C16orf92: variants seen among roughly 807,000 people sequenced by gnomAD.
The protein encoded by C16orf92 is fertilization-influencing membrane protein.
In C16orf92, 14 loss-of-function variants were observed where a neutral mutation model predicts 13.7. That is an observed-to-expected ratio of 1.02 (90% CI 0.67 to 1.60). C16orf92 has a LOEUF of 1.60. C16orf92 is among the 40% of genes most tolerant of loss of function. C16orf92 has a pLI of 0.00. For missense variants in C16orf92, 116 were observed against 139.0 expected (o/e 0.83, Z 0.83); for synonymous variants, 50 against 57.4 (o/e 0.87, Z 0.58).
chr16:30,025,877 G>GCCC, downstream of C16orf92: 1 of 1,379,150 alleles, frequency 7.3e-7, no homozygotes, highest in South Asian at 1.2e-5. The surrounding 1 kb of genome is among the most constrained non-coding windows in gnomAD (Gnocchi z 4.1). Context: ...TTCTTGGGCA[G>GCCC]CCCCCGCCCT....
chr16:30,025,397 C>T (rs762492091), downstream of C16orf92: 14 of 1,611,284 alleles, frequency 8.7e-6, 1 homozygote, highest in South Asian at 3.3e-5. The surrounding 1 kb of genome is among the most constrained non-coding windows in gnomAD (Gnocchi z 4.1). Context: ...GAGCAGCACC[C>T]GGCAGCAGAG....
chr16:30,023,223 G>T lies in C16orf92; in HGVS notation c.-118G>T. The T allele has an allele frequency of 1.2e-6, 1 of 840,742 alleles. No homozygotes were observed. Among genetic ancestry groups the T allele is most frequent in the South Asian group, 1.5e-5 (1 of 66,312 alleles). 52.1% of individuals were successfully genotyped at this position (840,742 alleles called of 1,614,324 possible). ...CTCTCTTCTCCTCTCCTCTTCTGATGAGAGTGAGGGATGGGGGAGGGGTCC... is the reference window on the plus strand; with the variant it reads ...CTCTCTTCTCCTCTCCTCTTCTGATTAGAGTGAGGGATGGGGGAGGGGTCC... On this transcript the variant is annotated 5_prime_UTR_variant, in exon 1 of 4. The change abolishes an upstream ATG in the 5' untranslated region. Coordinates refer to ENST00000681219, the MANE Select transcript of C16orf92 (RefSeq NM_001109659.2).
chr16:30,027,517 C>T (rs150638996), downstream of C16orf92: 83 of 452,216 alleles, frequency 1.8e-4, no homozygotes, highest in East Asian at 5.6e-3. Context: ...GAGACAGACC[C>T]TGTTGGCAAG....
chr16:30,026,505 G>T, downstream of C16orf92: 2 of 952,594 alleles, frequency 2.1e-6, no homozygotes, highest in Non-Finnish European at 1.6e-6. Context: ...GGGTCTGCTT[G>T]GTTGTCAGTA....
Position 30,023,737 on chromosome 16 carries a change from C to T in C16orf92, c.75C>T (p.Pro25=). 1 of 1,614,088 alleles carries T rather than the reference C, an allele frequency of 6.2e-7. No homozygotes were observed. Among genetic ancestry groups the T allele is most frequent in the Non-Finnish European group, 8.5e-7 (1 of 1,179,980 alleles). ...ALGAIETAPR[P]KRATASALGT... The stretch of plus-strand genomic sequence containing the variant: ...TTGCTTGGGTCCTAGCACCCAGACC[C>T]AAGCGTGCCACGGCGTCAGCCCTGG... Residue 25 remains proline, a synonymous_variant, in exon 2 of 4, where the codon CCC becomes CCT. Transcript: ENST00000681219.
In C16orf92 at chr16:30,023,712, T is replaced by A; in HGVS notation, c.65-15T>A. 2 of 1,614,120 alleles carry A rather than the reference T, an allele frequency of 1.2e-6. No individual in the cohort carries two copies. The highest frequency in any genetic ancestry group is 1.7e-6 in the Non-Finnish European group (2 of 1,180,030). ...GTCAGCTTGGCTGTTGTCACAGAGT[T>A]TGCTTGGGTCCTAGCACCCAGACCC... is the stretch of plus-strand genomic sequence containing the variant. On this transcript the variant is annotated splice_polypyrimidine_tract_variant and intron_variant, in intron 1 of 3. Coordinates refer to ENST00000681219, the MANE Select transcript of C16orf92 (RefSeq NM_001109659.2).
downstream of C16orf92, chr16:30,026,579 A>ACC: frequency 8.8e-6 from 14 of 1,585,734 alleles, no homozygotes; most frequent in Non-Finnish European, 9.5e-6. Context: ...GGCCACCCGC[A>ACC]CCCCGCCCGC....
chr16:30,024,113 C>T, intron 3 of C16orf92, 27 bp downstream of exon 3: 1 of 1,607,780 alleles, frequency 6.2e-7, no homozygotes, highest in Middle Eastern at 1.7e-4. Context: ...TTCTCCAACC[C>T]CACCCACCAC....
downstream of C16orf92, chr16:30,024,986 G>A (rs2071038284): frequency 3.9e-6 from 2 of 518,938 alleles, no homozygotes; most frequent in African/African-American, 4.0e-5. Flanking sequence ...GCAGGAAGGG[G>A]GCAGAGTAGG....
At chr16:30,025,517 C>T (rs765443352), downstream of C16orf92, 1 of 1,602,818 alleles carries the variant, frequency 6.2e-7, no homozygotes, top group Non-Finnish European at 8.5e-7. This position sits in a 1 kb window ranked among gnomAD's most constrained non-coding sequence, Gnocchi z 4.1. Flanking sequence ...GCTCGGCCCC[C>T]CTTGGCCCTC....
Position 30,023,887 on chromosome 16 carries a change from T to C in C16orf92, c.223+2T>C, listed in dbSNP as rs771259685. ...AACCCATCGTGTTCATTAACTCAGG[T>C]ATGAACCAGCTTGAGAAGGGACCTC... On this transcript the variant is annotated splice_donor_variant, in intron 2 of 3. Transcript: ENST00000681219. LOFTEE classifies it high-confidence loss of function. The C allele has an allele frequency of 2.4e-5, 38 of 1,609,216 alleles. No homozygotes were observed. In the Admixed American group the frequency reaches 6.3e-4, roughly 27 times the overall value.
In C16orf92 at chr16:30,024,605, C is replaced by T. The variant is rs769016233; in HGVS notation, c.*378C>T. The T allele has an allele frequency of 5.5e-5, 16 of 289,620 alleles. No homozygotes were observed. The highest frequency in any genetic ancestry group is 9.7e-5 in the Non-Finnish European group (15 of 154,952). The allele number at this position is 289,620 out of a possible 1,614,324, so 17.9% of individuals were successfully genotyped here. ...CGCCCTCGCCTGCCCCCGGGGTTGT[C>T]AGCACTGGGAAGGCTTGGGGGTAGC... On this transcript the variant is annotated 3_prime_UTR_variant, in exon 4 of 4. Coordinates refer to ENST00000681219, the MANE Select transcript of C16orf92 (RefSeq NM_001109659.2).
chr16:30,025,708 C>T (rs781705161), downstream of C16orf92: 9 of 1,613,154 alleles, frequency 5.6e-6, no homozygotes, highest in East Asian at 1.8e-4. The surrounding 1 kb of genome is among the most constrained non-coding windows in gnomAD (Gnocchi z 4.1). Flanking sequence ...GCTCCTGCAC[C>T]CTCCCATGCT....
chr16:30,023,911 T>A (rs1282512021), intron 2 of C16orf92, 26 bp downstream of exon 2: 3 of 1,595,024 alleles, frequency 1.9e-6, no homozygotes, highest in Non-Finnish European at 1.7e-6. Context: ...AGAAGGGACC[T>A]CCCTCCCCGC....
At position 30,024,007 on chromosome 16, in the gene C16orf92, C is replaced by T; in HGVS notation, c.232C>T (p.Pro78Ser). Reference sequence around the variant, plus strand: ...TCCTGTTTGTCTAGCAGGTTCCAGCCCCGGGCTCTTCCATCACATCCTGGT... The same window carrying T: ...TCCTGTTTGTCTAGCAGGTTCCAGCTCCGGGCTCTTCCATCACATCCTGGT... ...PIVFINSGSS[P>S]GLFHHILVGL... The change falls in exon 3 of 4, where the codon CCC becomes TCC. Residue 78 changes from proline to serine, a missense_variant. Physicochemically the swap from Pro to Ser is moderately conservative, Grantham distance 74. Transcript: ENST00000681219. 6.2e-7 allele frequency: 1 copy of T among 1,613,568 alleles called. No homozygotes were observed. Among genetic ancestry groups the T allele is most frequent in the Non-Finnish European group, 8.5e-7 (1 of 1,179,500 alleles).
chr16:30,026,648 G>A (rs2071152280), downstream of C16orf92: 2 of 1,613,842 alleles, frequency 1.2e-6, no homozygotes, highest in Non-Finnish European at 1.7e-6. Flanking sequence ...TGGCGGCATG[G>A]TGGAGCACCA....
In C16orf92 at chr16:30,024,301, C is replaced by T; in HGVS notation, c.*74C>T. Reference sequence around the variant, plus strand: ...CCTCTCCTGTTGATGAGCAAAAGTTCCCTGCTTTCCTCCTCCCTGACTGCC... The same window carrying T: ...CCTCTCCTGTTGATGAGCAAAAGTTTCCTGCTTTCCTCCTCCCTGACTGCC... On this transcript the variant is annotated 3_prime_UTR_variant, in exon 4 of 4. Transcript: ENST00000681219. 2.6e-6 allele frequency: 4 copies of T among 1,541,726 alleles called. No homozygotes were observed. Among genetic ancestry groups the T allele is most frequent in the Non-Finnish European group, 3.6e-6 (4 of 1,120,150 alleles).
chr16:30,026,587 C>T (rs779461951), downstream of C16orf92: 48 of 1,601,172 alleles, frequency 3.0e-5, no homozygotes, highest in East Asian at 3.1e-4. Flanking sequence ...GCACCCCGCC[C>T]GCCCAGCTCC....
downstream of C16orf92, chr16:30,025,183 T>C: frequency 2.8e-6 from 4 of 1,450,284 alleles, no homozygotes; most frequent in Non-Finnish European, 3.6e-6. This position sits in a 1 kb window ranked among gnomAD's most constrained non-coding sequence, Gnocchi z 4.1. Flanking sequence ...GCCCCCGGCC[T>C]CAGTCCTGGG....
Sources: gnomAD v4.1 joint callset for allele counts on GRCh38, gnomAD v4.1.1 for gene constraint, Gnocchi (gnomAD v3.1) non-coding constraint, MANE v1.5 for transcripts, NCBI Gene and HGNC (gene_info 2026-07-23, HGNC 2026-07-21) for gene names.